Variants in NXNL2 observed in about 807,000 individuals in gnomAD.
NXNL2 encodes the protein nucleoredoxin-like protein 2.
A neutral mutation model predicts 11.1 loss-of-function variants in NXNL2; 7 were observed. The observed-to-expected ratio is 0.63, with a 90% CI of 0.36 to 1.18. The LOEUF is 1.18. NXNL2 is among the 50% of genes most tolerant of loss of function. NXNL2 has a pLI of 0.02. For synonymous variants in NXNL2, 109 were observed against 101.8 expected (o/e 1.07, Z -0.42); for missense variants, 233 against 217.7 (o/e 1.07, Z -0.44).
At chr9:88,549,397 A>T (rs188443599), downstream of NXNL2, among the ~76,000 whole-genome samples, 14 of 152,314 alleles carry the variant, frequency 9.2e-5, no homozygotes, top group African/African-American at 3.1e-4. Context: ...GTTGGAATAC[A>T]TCCTCTAATA....
At chr9:88,577,301 G>A (rs928458479), downstream of NXNL2, among the ~76,000 whole-genome samples, 1 of 138,272 alleles carries the variant, frequency 7.2e-6, no homozygotes, top group Admixed American at 7.2e-5. Context: ...GTGACTGGGC[G>A]GGGGGGGCGG....
chr9:88,557,546 T>A (rs1379348231), intron 1 of NXNL2, among the ~76,000 whole-genome samples: 2 of 152,262 alleles, frequency 1.3e-5, no homozygotes, highest in African/African-American at 4.8e-5. Context: ...ATCACTGGGC[T>A]TGAAATGACT....
At chr9:88,551,445 C>A (rs1179690795) in intron 1 of NXNL2, among the ~76,000 whole-genome samples, 1 of 152,034 alleles carries the variant, frequency 6.6e-6, no homozygotes, top group Non-Finnish European at 1.5e-5. Context: ...GATTTTAATA[C>A]ATATAAAGAG....
At chr9:88,550,135 C>T (rs568048396) in intron 1 of NXNL2, among the ~76,000 whole-genome samples, 1 of 152,294 alleles carries the variant, frequency 6.6e-6, no homozygotes, top group South Asian at 2.1e-4. Flanking sequence ...CACTTTTAAA[C>T]TACCAGATCT....
chr9:88,559,155 C>T (rs1270791133), intron 1 of NXNL2, among the ~76,000 whole-genome samples: 1 of 152,212 alleles, frequency 6.6e-6, no homozygotes, highest in East Asian at 1.9e-4. Context: ...TTGTTTGCTT[C>T]CACTTCCAGG....
At chr9:88,584,176 T>A (rs1226506109) in exon 2 of NXNL2, 5 of 152,190 alleles carry the variant, frequency 3.3e-5, no homozygotes, top group Non-Finnish European at 7.3e-5. Context: ...TTTTTAGTAT[T>A]TCTAAACATG....
downstream of NXNL2, among the ~76,000 whole-genome samples, chr9:88,549,636 T>C (rs375965236): frequency 2.5e-4 from 38 of 152,326 alleles, no homozygotes; most frequent in African/African-American, 9.1e-4. Flanking sequence ...GTTACTGTAT[T>C]AGGCCATTCT....
At chr9:88,548,058 G>A (rs1390894095), downstream of NXNL2, among the ~76,000 whole-genome samples, 4 of 148,704 alleles carry the variant, frequency 2.7e-5, no homozygotes, top group Non-Finnish European at 4.5e-5. Flanking sequence ...TATCTGATGA[G>A]TCAGGTGTGG....
downstream of NXNL2, among the ~76,000 whole-genome samples, chr9:88,547,822 GCC>G (rs1200698742): frequency 6.6e-6 from 1 of 151,916 alleles, no homozygotes; most frequent in African/African-American, 2.4e-5. Flanking sequence ...TTCAAGACCA[GCC>G]TGGCCAATGT....
chr9:88,543,347 G>C (rs925913070), intron 1 of NXNL2, among the ~76,000 whole-genome samples: 1 of 151,592 alleles, frequency 6.6e-6, no homozygotes, highest in Non-Finnish European at 1.5e-5. Context: ...GCTCACTGCA[G>C]CCTCGACCTC....
chr9:88,576,776 G>A (rs569666177), downstream of NXNL2, among the ~76,000 whole-genome samples: 9 of 152,314 alleles, frequency 5.9e-5, no homozygotes, highest in East Asian at 3.9e-4. Context: ...CCGTAGCAGG[G>A]AGGTCGGCCC....
intron 1 of NXNL2, chr9:88,570,980 T>A (rs1208656102): frequency 1.2e-5 from 4 of 333,478 alleles, no homozygotes; most frequent in Non-Finnish European, 2.3e-5. Flanking sequence ...TGACCTCAGG[T>A]GATCCACCCG....
At chr9:88,578,001 G>A (rs932614576), downstream of NXNL2, among the ~76,000 whole-genome samples, 1 of 152,254 alleles carries the variant, frequency 6.6e-6, no homozygotes, top group Admixed American at 6.5e-5. Context: ...TGTGTCCAGT[G>A]TCTTCACGGT....
chr9:88,553,991 A>G (rs1486938037), intron 1 of NXNL2, among the ~76,000 whole-genome samples: 1 of 152,178 alleles, frequency 6.6e-6, no homozygotes, highest in African/African-American at 2.4e-5. Flanking sequence ...TTAGATATCA[A>G]TTAATTAATT....
chr9:88,564,285 T>TCTATCTATCTATTATCTATC (rs1554706562), intron 1 of NXNL2, among the ~76,000 whole-genome samples: 7 of 140,258 alleles, frequency 5.0e-5, no homozygotes, highest in East Asian at 4.7e-4. Flanking sequence ...TATCTATCTA[T>TCTATCTATCTATTATCTATC]TATCTATCTA....
downstream of NXNL2, among the ~76,000 whole-genome samples, chr9:88,548,433 G>A (rs1030445477): frequency 2.1e-5 from 3 of 146,316 alleles, no homozygotes; most frequent in Non-Finnish European, 4.5e-5. Flanking sequence ...GGAGGCCAAG[G>A]TGTGTGGATC....
At chr9:88,564,304 TCTATC>T (rs1830136246) in intron 1 of NXNL2, among the ~76,000 whole-genome samples, 1 of 151,634 alleles carries the variant, frequency 6.6e-6, no homozygotes, top group East Asian at 1.9e-4. Flanking sequence ...TATCTATCTA[TCTATC>T]TATCTATCTA....
chr9:88,547,832 TGTGGTGAAACC>T (rs1564069379), downstream of NXNL2, among the ~76,000 whole-genome samples: 1 of 136,660 alleles, frequency 7.3e-6, no homozygotes, highest in African/African-American at 2.8e-5. Context: ...GCCTGGCCAA[TGTGGTGAAACC>T]CTGTCTCTAC....
chr9:88,546,147 T>TTG (rs1564068768), downstream of NXNL2, among the ~76,000 whole-genome samples: 1 of 116,538 alleles, frequency 8.6e-6, no homozygotes, highest in African/African-American at 5.1e-5. Context: ...AACTGAGTGT[T>TTG]CGTGTGTGTG....
Sources: gnomAD v4.1 joint callset for allele counts (sites outside exome capture counted in the v4.1 genomes callset) on GRCh38, gnomAD v4.1.1 for gene constraint, MANE v1.5 for transcripts, NCBI Gene and HGNC (gene_info 2026-07-23, HGNC 2026-07-21) for gene names.